Variants in WSB1 observed in about 807,000 individuals in gnomAD.
WSB1 encodes WD repeat and SOCS box-containing protein 1.
WSB1 carries 23 observed loss-of-function variants against 50.2 expected under a neutral mutation model. The ratio of observed to expected loss-of-function variants is 0.46; its 90% CI spans 0.33 to 0.65. WSB1 has a LOEUF of 0.65. Among genes scored for constraint, WSB1 ranks in the 30% least tolerant of loss-of-function variants. The pLI, the probability that WSB1 is intolerant of heterozygous loss-of-function variation, is 0.02. For missense variants in WSB1, 492 were observed against 522.3 expected, an observed-to-expected ratio of 0.94 and a Z score of 0.56; for synonymous variants, 179 against 172.0, an observed-to-expected ratio of 1.04 and a Z score of -0.32.
In WSB1 at chr17:27,311,422, C is replaced by T. The variant is rs564298976; in HGVS notation, c.999-87C>T. ...GATGTGTGTATTTTGTGACTCATAACTCAATGGCATTTCTTTCTAAATTTT... is the reference window on the plus strand; with the variant it reads ...GATGTGTGTATTTTGTGACTCATAATTCAATGGCATTTCTTTCTAAATTTT... On this transcript the variant is annotated intron_variant, in intron 7 of 8. Coordinates refer to ENST00000262394, the MANE Select transcript of WSB1 (RefSeq NM_015626.10). 2.5e-4 allele frequency: 254 copies of T among 998,554 alleles called. 1 individual carries two copies. The Middle Eastern group carries it at 0.015, about 57-fold the overall frequency. 61.9% of individuals were successfully genotyped at this position (998,554 alleles called of 1,614,324 possible). A position where few individuals can be genotyped will look rare whatever the true frequency, so the allele number is the denominator to read the frequency against.
chr17:27,294,585 G>C, intron 1 of WSB1, 150 bp downstream of exon 1: 4 of 1,110,112 alleles, frequency 3.6e-6, no homozygotes, highest in Non-Finnish European at 5.1e-6. Context: ...AAGCCGCCTC[G>C]GTGGGAGTTG....
intron 8 of WSB1, 88 bp downstream of exon 8, chr17:27,311,704 T>A: frequency 2.1e-6 from 2 of 967,456 alleles, no homozygotes; most frequent in Admixed American, 3.2e-5. Flanking sequence ...CAATCTCTGC[T>A]CACTGTAGCC....
intron 3 of WSB1, among the ~76,000 whole-genome samples, chr17:27,304,535 C>CA (rs10660665): frequency 0.045 from 1,729 of 38,672 alleles, 358 homozygotes; most frequent in African/African-American, 0.054. Context: ...TCCATCTCTC[C>CA]AAAAAAAAAA....
At chr17:27,295,551 G>GA (rs908104131) in intron 1 of WSB1, among the ~76,000 whole-genome samples, 4 of 142,166 alleles carry the variant, frequency 2.8e-5, no homozygotes, top group African/African-American at 1.1e-4. Flanking sequence ...TACAAACACA[G>GA]AAAAAAAAGG....
At chr17:27,295,688 G>T (rs549149929) in intron 1 of WSB1, among the ~76,000 whole-genome samples, 2 of 152,254 alleles carry the variant, frequency 1.3e-5, no homozygotes, top group South Asian at 4.1e-4. Context: ...GTGGGACAAA[G>T]AACTCAAAAG....
rs950339494 is a variant in WSB1 at position 27,313,432 on chromosome 17, T to C, written c.*1063T>C. The C allele has an allele frequency of 2.7e-5, 4 of 146,466 alleles. No homozygotes were observed. The highest frequency in any genetic ancestry group is 6.8e-5 in the Admixed American group (1 of 14,628). 9.1% of individuals were successfully genotyped at this position (146,466 alleles called of 1,614,324 possible). On this transcript the variant is annotated 3_prime_UTR_variant, in exon 9 of 9. Coordinates refer to ENST00000262394, the MANE Select transcript of WSB1 (RefSeq NM_015626.10). ...CTAAGGGACAATTATTTTAAGACCA[T>C]GGATTTAAAAAAAAAAAAAAAAACT...
At chr17:27,295,736 A>G (rs1475764183) in intron 1 of WSB1, among the ~76,000 whole-genome samples, 1 of 152,216 alleles carries the variant, frequency 6.6e-6, no homozygotes, top group Admixed American at 6.5e-5. Context: ...TTACTTTAGT[A>G]CACCATAATG....
chr17:27,309,057 T>TAC (rs767852737), intron 5 of WSB1, 43 bp from the exon 6 acceptor site: 2 of 1,550,854 alleles, frequency 1.3e-6, no homozygotes, highest in Non-Finnish European at 8.7e-7. Context: ...TTTTGTCCTC[T>TAC]GTATGTCTGA....
chr17:27,309,295 T>C (rs2017577204), intron 6 of WSB1, 23 bp downstream of exon 6: 2 of 1,514,022 alleles, frequency 1.3e-6, no homozygotes, highest in Middle Eastern at 1.8e-4. Context: ...TGAATTATTT[T>C]AGTCTATAAT....
In WSB1 at chr17:27,303,359, C is replaced by G. The variant is rs1445114649; in HGVS notation, c.210-8C>G. On this transcript the variant is annotated splice_region_variant and splice_polypyrimidine_tract_variant and intron_variant, in intron 2 of 8. Coordinates refer to ENST00000262394, the MANE Select transcript of WSB1 (RefSeq NM_015626.10). ...AATACAATTTCCATCTGACTTCCCC[C>G]ACTCCAGTCTCTTGCATGGCACCAA... is the stretch of plus-strand genomic sequence containing the variant. The G allele has an allele frequency of 5.6e-6, 9 of 1,611,726 alleles. No individual in the cohort carries two copies. The highest frequency in any genetic ancestry group is 7.6e-6 in the Non-Finnish European group (9 of 1,178,666).
intron 3 of WSB1, among the ~76,000 whole-genome samples, chr17:27,304,474 G>A (rs1455845817): frequency 6.9e-6 from 1 of 145,776 alleles, no homozygotes; most frequent in African/African-American, 2.6e-5. Flanking sequence ...CAAAGCTGGG[G>A]GATCACTTGA....
chr17:27,304,248 A>G (rs1011626030), intron 3 of WSB1, among the ~76,000 whole-genome samples: 19 of 152,184 alleles, frequency 1.2e-4, no homozygotes, highest in African/African-American at 4.3e-4. Flanking sequence ...TGAAAAAAAC[A>G]AGATGAACAC....
intron 1 of WSB1, among the ~76,000 whole-genome samples, chr17:27,301,137 A>G (rs922073761): frequency 6.6e-6 from 1 of 152,100 alleles, no homozygotes; most frequent in Non-Finnish European, 1.5e-5. Context: ...GCCTCCCAGA[A>G]TGTTGGGATT....
intron 4 of WSB1, among the ~76,000 whole-genome samples, chr17:27,306,538 G>A (rs2017467003): frequency 6.6e-6 from 1 of 152,144 alleles, no homozygotes; most frequent in Non-Finnish European, 1.5e-5. Flanking sequence ...TGAAGGGCTA[G>A]ATGTTGAATA....
In WSB1 at chr17:27,294,376, A is replaced by C. The variant is rs770963452; in HGVS notation, c.-20A>C. On this transcript the variant is annotated 5_prime_UTR_variant, in exon 1 of 9. Coordinates refer to ENST00000262394, the MANE Select transcript of WSB1 (RefSeq NM_015626.10). ...TGTTGGGTCCGCATCGTATTCCCGG[A>C]ATCAGACGGTGCCCCATAGATGGCC... The C allele has an allele frequency of 1.2e-6, 2 of 1,612,772 alleles. No homozygotes were observed. The highest frequency in any genetic ancestry group is 1.1e-5 in the South Asian group (1 of 90,940).
At chr17:27,301,362 G>A (rs1161850108) in intron 1 of WSB1, among the ~76,000 whole-genome samples, 2 of 152,052 alleles carry the variant, frequency 1.3e-5, no homozygotes, top group African/African-American at 4.8e-5. Context: ...GGTGAGGTAT[G>A]GTTTTTGAAA....
intron 1 of WSB1, among the ~76,000 whole-genome samples, chr17:27,295,589 A>C (rs1336744993): frequency 6.7e-6 from 1 of 150,136 alleles, no homozygotes; most frequent in Non-Finnish European, 1.5e-5. Context: ...GTTCACACAG[A>C]AAAAAGAAAA....
intron 5 of WSB1, chr17:27,307,733 C>T (rs2017517523): frequency 1.3e-6 from 2 of 1,534,472 alleles, no homozygotes; most frequent in Admixed American, 4.0e-5. Flanking sequence ...TTCTTGCTTT[C>T]CCTGTCACAG....
chr17:27,302,489 C>G (rs936888942), intron 2 of WSB1: 1 of 117,782 alleles, frequency 8.5e-6, no homozygotes, highest in African/African-American at 3.6e-5. Context: ...CAGATTGTGT[C>G]TAACAAGTGT....
Sources: gnomAD v4.1 joint callset for allele counts (sites outside exome capture counted in the v4.1 genomes callset) on GRCh38, gnomAD v4.1.1 for gene constraint, MANE v1.5 for transcripts, NCBI Gene and HGNC (gene_info 2026-07-23, HGNC 2026-07-21) for gene names.